Variants in CDK10 observed in about 807,000 individuals in gnomAD.
CDK10 encodes the protein cyclin dependent kinase 10.
Under a neutral mutation model 51.0 loss-of-function variants are expected in CDK10, and 55 were observed. That is an observed-to-expected ratio of 1.08 (90% CI 0.87 to 1.35). The LOEUF is 1.35. Among genes scored for constraint, CDK10 ranks in the 40% most tolerant of loss-of-function variants. The pLI is 0.00. For missense variants in CDK10, 589 were observed against 485.1 expected (o/e 1.21, Z -2.01); for synonymous variants, 255 against 199.1 (o/e 1.28, Z -2.36).
rs530507424 is a variant in CDK10, at chr16:89,695,907, C to A, written c.*215C>A. On this transcript the variant is annotated 3_prime_UTR_variant, in exon 13 of 13. Coordinates refer to ENST00000353379, the MANE Select transcript of CDK10 (RefSeq NM_052988.5). ...GACACCGGGGGGCTCCCAGCCCGTG[C>A]ACCCTGGAAGGGCAGGTCTGGCGGC... is the stretch of plus-strand genomic sequence containing the variant. 1 of 1,066,328 alleles carries A rather than the reference C, an allele frequency of 9.4e-7. No individual in the cohort carries two copies. Among genetic ancestry groups the A allele is most frequent in the Non-Finnish European group, 1.4e-6 (1 of 728,210 alleles). The allele number at this position is 1,066,328 out of a possible 1,614,324, so 66.1% of individuals were successfully genotyped here. A position where few individuals can be genotyped will look rare whatever the true frequency, so the allele number is the denominator to read the frequency against.
At position 89,686,765 on chromosome 16, in the gene CDK10, G is replaced by C; in HGVS notation, c.55G>C (p.Glu19Gln). ...EQIRLKCIRK[E>Q]GFFTVPPEHR... ...GATCCGTCTGAAGTGTATTCGTAAG[G>C]AGGGCTTCTTCACGGTGCCTCCGGA... The change falls in exon 1 of 13, where the codon GAG becomes CAG. Residue 19 changes from glutamate (E) to glutamine (Q), a missense_variant. Coordinates refer to ENST00000353379, the MANE Select transcript of CDK10 (RefSeq NM_052988.5). 6.2e-7 allele frequency: 1 copy of C among 1,612,860 alleles called. No individual in the cohort carries two copies. Among genetic ancestry groups the C allele is most frequent in the Non-Finnish European group, 8.5e-7 (1 of 1,179,430 alleles).
At chr16:89,688,530 C>G (rs1319656013) in intron 1 of CDK10, among the ~76,000 whole-genome samples, 1 of 152,142 alleles carries the variant, frequency 6.6e-6, no homozygotes, top group African/African-American at 2.4e-5. Flanking sequence ...GTCAGGCATT[C>G]TGGTTCCATT....
intron 12 of CDK10, 75 bp from the exon 13 acceptor site, chr16:89,695,520 G>A: frequency 6.6e-7 from 1 of 1,526,528 alleles, no homozygotes; most frequent in Non-Finnish European, 8.9e-7. Context: ...CAGAGGCAGA[G>A]CTGGACTCAG....
At chr16:89,691,245 A>T (rs1453715221) in intron 3 of CDK10, among the ~76,000 whole-genome samples, 198 bp from the exon 4 acceptor site, 1 of 151,960 alleles carries the variant, frequency 6.6e-6, no homozygotes, top group Admixed American at 6.6e-5. Context: ...AGATGGTGCC[A>T]TTGCACTCCA....
chr16:89,693,575 A>G, intron 8 of CDK10, 108 bp downstream of exon 8: 1 of 1,114,168 alleles, frequency 9.0e-7, no homozygotes, highest in Non-Finnish European at 1.3e-6. Flanking sequence ...ATGTTAAGCT[A>G]CAGGGTCTGT....
rs1422483421 is a variant in CDK10, at chr16:89,694,176, C to T, written c.612C>T (p.Tyr204=). ...AGGTGGGTGCTTCTGTGTGTAGGTA[C>T]CGAGCCCCTGAACTGCTGTTGGGAA... ...PMTPKVVTLW[Y]RAPELLLGTT... is the part of the protein sequence containing the mutation. Residue 204 remains tyrosine (Y), a synonymous_variant, in exon 9 of 13, where the codon TAC becomes TAT. Coordinates refer to ENST00000353379, the MANE Select transcript of CDK10 (RefSeq NM_052988.5). 2 of 1,613,962 alleles carry T rather than the reference C, an allele frequency of 1.2e-6. No homozygotes were observed. The highest frequency in any genetic ancestry group is 1.7e-6 in the Non-Finnish European group (2 of 1,179,956).
chr16:89,693,962 G>A (rs547548151), intron 8 of CDK10: 15 of 612,692 alleles, frequency 2.4e-5, no homozygotes, highest in South Asian at 5.8e-5. Flanking sequence ...TGGTCCCTGC[G>A]ACTCTCAGGA....
intron 1 of CDK10, 39 bp downstream of exon 1, chr16:89,686,836 C>G: frequency 1.3e-6 from 2 of 1,542,308 alleles, no homozygotes; most frequent in African/African-American, 1.4e-5. Context: ...GCCCGCCTCG[C>G]TAGCGGCACT....
chr16:89,689,106 A>C lies in CDK10; in HGVS notation c.88-146A>C, dbSNP rs527575173. ...CAGAGCGAGACTCAGTCTCAAAAAA[A>C]GAAAAAAAAAGCCCAAACGTGTGGT... On this transcript the variant is annotated intron_variant, in intron 1 of 12. Coordinates refer to ENST00000353379, the MANE Select transcript of CDK10 (RefSeq NM_052988.5). 2.9e-5 allele frequency: 20 copies of C among 689,026 alleles called. No homozygotes were observed. The Admixed American group carries it at 4.0e-4, about 14-fold the overall frequency. 42.7% of individuals were successfully genotyped at this position (689,026 alleles called of 1,614,324 possible). A position where few individuals can be genotyped will look rare whatever the true frequency, so the allele number is the denominator to read the frequency against.
At position 89,686,768 on chromosome 16, in the gene CDK10, G is replaced by A. The variant is rs369118585; in HGVS notation, c.58G>A (p.Gly20Ser). The A allele has an allele frequency of 8.1e-6, 13 of 1,612,652 alleles. No individual in the cohort carries two copies. The East Asian group carries it at 1.3e-4, about 17-fold the overall frequency. ...QIRLKCIRKE[G>S]FFTVPPEHRL... is the part of the protein sequence containing the mutation. ...CCGTCTGAAGTGTATTCGTAAGGAG[G>A]GCTTCTTCACGGTGCCTCCGGAACA... Residue 20 changes from glycine (G) to serine (S), a missense_variant, in exon 1 of 13, where the codon GGC becomes AGC. By Grantham distance (56) the Gly-to-Ser change is moderately conservative. Coordinates refer to ENST00000353379, the MANE Select transcript of CDK10 (RefSeq NM_052988.5).
Position 89,694,996 on chromosome 16 carries a change from GCACAAGTTCCCATGGCTGTCGGAGGC to G in CDK10, c.860_885del (p.His287ArgfsTer14), listed in dbSNP as rs1482094017. 1 of 1,613,386 alleles carries G rather than the reference GCACAAGTTCCCATGGCTGTCGGAGGC, an allele frequency of 6.2e-7. No individual in the cohort carries two copies. Among genetic ancestry groups the G allele is most frequent in the African/African-American group, 1.3e-5 (1 of 74,942 alleles). ...GGAAGCAGCCCTACAACAACCTGAAGCACAAGTTCCCATGGCTGTCGGAGGCCGGGCTGCGCCTGCTGCACTTCCTG... is the reference window on the plus strand; with the variant it reads ...GGAAGCAGCCCTACAACAACCTGAAGCGGGCTGCGCCTGCTGCACTTCCTG... On this transcript the variant is annotated frameshift_variant, in exon 11 of 13. Coordinates refer to ENST00000353379, the MANE Select transcript of CDK10 (RefSeq NM_052988.5). LOFTEE classifies it high-confidence loss of function.
Position 89,695,352 on chromosome 16 carries a change from G to A in CDK10, c.985+7G>A, listed in dbSNP as rs781607518. The A allele has an allele frequency of 2.5e-6, 4 of 1,611,732 alleles. No individual in the cohort carries two copies. Among genetic ancestry groups the A allele is most frequent in the Non-Finnish European group, 2.5e-6 (3 of 1,178,376 alleles). ...TTCAAGGAGAAGCCCCTACGTGAGT[G>A]TGCAGGGTTCCTGACTCGCTCTGTG... On this transcript the variant is annotated splice_region_variant and intron_variant, in intron 12 of 12. Transcript: ENST00000353379.
chr16:89,688,492 G>T (rs1411861621), intron 1 of CDK10, among the ~76,000 whole-genome samples: 2 of 152,156 alleles, frequency 1.3e-5, no homozygotes, highest in African/African-American at 4.8e-5. Context: ...TAACATTCTG[G>T]AGAGAAGCAG....
Position 89,693,271 on chromosome 16 carries a change from C to A in CDK10, c.486-3C>A. ...GCCACCTGCCACTGTTTTTCCATCACAGGGACCTGAAGGTTTCCAACTTGC... is the reference window on the plus strand; with the variant it reads ...GCCACCTGCCACTGTTTTTCCATCAAAGGGACCTGAAGGTTTCCAACTTGC... On this transcript the variant is annotated splice_polypyrimidine_tract_variant and splice_region_variant and intron_variant, in intron 6 of 12. Coordinates refer to ENST00000353379, the MANE Select transcript of CDK10 (RefSeq NM_052988.5). 2 of 1,614,120 alleles carry A rather than the reference C, an allele frequency of 1.2e-6. No homozygotes were observed. Among genetic ancestry groups the A allele is most frequent in the South Asian group, 2.2e-5 (2 of 91,076 alleles).
At position 89,692,530 on chromosome 16, in the gene CDK10, A is replaced by G; in HGVS notation, c.485+14A>G. On this transcript the variant is annotated intron_variant, in intron 6 of 12. Coordinates refer to ENST00000353379, the MANE Select transcript of CDK10 (RefSeq NM_052988.5). Reference sequence around the variant, plus strand: ...CATTATCCACAGGTGGGTGACAGCTAGGCAGAGTTGGAAGCACAAATTCGG... The same window carrying G: ...CATTATCCACAGGTGGGTGACAGCTGGGCAGAGTTGGAAGCACAAATTCGG... 6.4e-7 allele frequency: 1 copy of G among 1,570,006 alleles called. No individual in the cohort carries two copies. Among genetic ancestry groups the G allele is most frequent in the South Asian group, 1.2e-5 (1 of 85,700 alleles).
chr16:89,695,136 C>T (rs1328960500), intron 11 of CDK10, 66 bp downstream of exon 11: 2 of 1,564,690 alleles, frequency 1.3e-6, no homozygotes, highest in Non-Finnish European at 8.7e-7. Flanking sequence ...TTTCCCAGAG[C>T]CCAGCCTCAC....
At chr16:89,690,456 G>A (rs1327516645) in intron 2 of CDK10, 97 bp from the exon 3 acceptor site, 13 of 1,018,504 alleles carry the variant, frequency 1.3e-5, no homozygotes, top group Middle Eastern at 2.6e-4. Context: ...AGGAAAGAAC[G>A]GGGACCCCTG....
At chr16:89,687,819 A>T (rs568772591) in intron 1 of CDK10, 8 of 348,512 alleles carry the variant, frequency 2.3e-5, no homozygotes, top group African/African-American at 1.7e-4. Context: ...AGAGGATGTG[A>T]GAAGGGGAAT....
At position 89,694,169 on chromosome 16, in the gene CDK10, G is replaced by A. The variant is rs1275005742; in HGVS notation, c.609-4G>A. On this transcript the variant is annotated splice_polypyrimidine_tract_variant and splice_region_variant and intron_variant, in intron 8 of 12. Transcript: ENST00000353379. ...TGTATTGAGGTGGGTGCTTCTGTGT[G>A]TAGGTACCGAGCCCCTGAACTGCTG... 2 of 1,613,880 alleles carry A rather than the reference G, an allele frequency of 1.2e-6. No homozygotes were observed. Among genetic ancestry groups the A allele is most frequent in the Non-Finnish European group, 1.7e-6 (2 of 1,179,944 alleles).
Sources: allele counts gnomAD v4.1 joint callset (sites outside exome capture counted in the v4.1 genomes callset), GRCh38; gene constraint gnomAD v4.1.1; transcripts MANE v1.5; gene names NCBI Gene and HGNC (gene_info 2026-07-23, HGNC 2026-07-21).